The following MAX variants were observed in gnomAD, a reference collection of about 807,000 sequenced individuals.
MAX encodes the protein protein max.
MAX carries 3 observed loss-of-function variants against 22.3 expected under a neutral mutation model. The ratio of observed to expected loss-of-function variants is 0.13; its 90% CI spans 0.06 to 0.35. The LOEUF (loss-of-function observed/expected upper bound fraction) is 0.35, where lower values mean the gene tolerates loss of function less well. MAX is among the 10% of genes least tolerant of loss of function. MAX has a pLI of 1.00. For synonymous variants in MAX, 72 were observed against 77.7 expected (o/e 0.93, Z 0.39); for missense variants, 119 against 209.4 (o/e 0.57, Z 2.66).
intron 3 of MAX, among the ~76,000 whole-genome samples, chr14:65,063,882 C>T (rs948421575): frequency 5.3e-5 from 8 of 152,192 alleles, no homozygotes; most frequent in African/African-American, 1.9e-4. Context: ...TATTATGTGA[C>T]TCCTTGAGTA....
intron 3 of MAX, among the ~76,000 whole-genome samples, chr14:65,067,357 C>T (rs1487352481): frequency 6.6e-6 from 1 of 152,096 alleles, no homozygotes; most frequent in Non-Finnish European, 1.5e-5. Context: ...AATTTTGATA[C>T]ATTACTAAAG....
intron 3 of MAX, among the ~76,000 whole-genome samples, chr14:65,055,031 A>G (rs764964425): frequency 6.6e-6 from 1 of 152,234 alleles, no homozygotes; most frequent in African/African-American, 2.4e-5. Context: ...GGCTCGTGAT[A>G]GCACTGCAGC....
Position 65,077,690 on chromosome 14 carries a change from T to G in MAX, c.295+223A>C, listed in dbSNP as rs775706054. 3 of 1,547,684 alleles carry G rather than the reference T, an allele frequency of 1.9e-6. No individual in the cohort carries two copies. The highest frequency in any genetic ancestry group is 2.6e-6 in the Non-Finnish European group (3 of 1,146,182). ...GGTCAGGCCAGAAAAGATACAAGTC[T>G]CCAGATGTCCAACTTCCTAGCTTCC... On this transcript the variant is annotated intron_variant, in intron 4 of 4. Transcript: ENST00000358664. The surrounding 1 kb of genome is among the most constrained non-coding windows in gnomAD (Gnocchi z 6.3).
At chr14:65,061,270 G>A (rs373240145) in intron 3 of MAX, 143 of 1,614,026 alleles carry the variant, frequency 8.9e-5, no homozygotes, top group Non-Finnish European at 1.2e-4. Flanking sequence ...CAGGTTTTGA[G>A]GAGCTTAAGG....
chr14:65,040,083 A>T (rs149127312), intron 3 of MAX, among the ~76,000 whole-genome samples: 1,707 of 152,182 alleles, frequency 0.011, 15 homozygotes, highest in Non-Finnish European at 0.018. Context: ...CCAGCTACTC[A>T]GGAGGCTGAG....
In MAX at chr14:65,093,372, G is replaced by C; in HGVS notation, c.171+336C>G. ...AGGTCTAGGGTATTAATGACCTCTGGAATCTTTACTGTTATCCCAAACGAA... is the reference window on the plus strand; with the variant it reads ...AGGTCTAGGGTATTAATGACCTCTGCAATCTTTACTGTTATCCCAAACGAA... On this transcript the variant is annotated intron_variant, in intron 3 of 4. Transcript: ENST00000358664. The surrounding 1 kb of genome is among the most constrained non-coding windows in gnomAD (Gnocchi z 4.4). The C allele has an allele frequency of 3.0e-6, 1 of 337,598 alleles. No individual in the cohort carries two copies. The allele number at this position is 337,598 out of a possible 1,614,324, so 20.9% of individuals were successfully genotyped here.
At chr14:65,101,657 C>T (rs1014569666) in intron 1 of MAX, 85 bp from the exon 2 acceptor site, 24 of 1,092,034 alleles carry the variant, frequency 2.2e-5, no homozygotes, top group African/African-American at 1.4e-4. Context: ...AAAATGCCGG[C>T]GGCAGAGGAA....
At position 65,031,979 on chromosome 14, in the gene MAX, C is replaced by CGTGTGTGTGTGTGTGTGT. The variant is rs563468928; in HGVS notation, c.172-25713_172-25696dup. On this transcript the variant is annotated intron_variant, in intron 3 of 3. Transcript: ENST00000341653. The surrounding 1 kb of genome is among the most constrained non-coding windows in gnomAD (Gnocchi z 4.6). Reference sequence around the variant, plus strand: ...ATAGACGTGCGCCTTTTTCATTTAACGTGTGTGTGTGTGTGTGTGTGTGTG... The same window carrying CGTGTGTGTGTGTGTGTGT: ...ATAGACGTGCGCCTTTTTCATTTAACGTGTGTGTGTGTGTGTGTGTGTGTGTGTGTGTGTGTGTGTGTG... 8.7e-4 allele frequency among the ~76,000 whole-genome samples: 123 copies of CGTGTGTGTGTGTGTGTGT among 141,280 alleles called. 1 individual carries two copies. The highest frequency in any genetic ancestry group is 3.0e-3 in the African/African-American group (113 of 37,882). The allele number at this position is 141,280 out of a possible 152,430, so 92.7% of individuals were successfully genotyped here.
intron 3 of MAX, among the ~76,000 whole-genome samples, chr14:65,039,290 A>G (rs2062288399): frequency 6.6e-6 from 1 of 152,208 alleles, no homozygotes; most frequent in South Asian, 2.1e-4. Context: ...TGAAATACAC[A>G]GAGGAATGGG....
chr14:65,076,082 G>C lies in MAX; in HGVS notation c.*394C>G. ...ATCAGAGGTGAGGGCGGGCCAGGAGGCCACCTGGGCAGGGCAGGCGTCCCC... is the reference window on the plus strand; with the variant it reads ...ATCAGAGGTGAGGGCGGGCCAGGAGCCCACCTGGGCAGGGCAGGCGTCCCC... On this transcript the variant is annotated 3_prime_UTR_variant, in exon 5 of 5. Coordinates refer to ENST00000358664, the MANE Select transcript of MAX (RefSeq NM_002382.5). The surrounding 1 kb of genome is among the most constrained non-coding windows in gnomAD (Gnocchi z 6.6). The C allele has an allele frequency of 8.1e-7, 1 of 1,240,836 alleles. No homozygotes were observed. The highest frequency in any genetic ancestry group is 1.0e-6 in the Non-Finnish European group (1 of 988,096). 76.9% of individuals were successfully genotyped at this position (1,240,836 alleles called of 1,614,324 possible).
At chr14:65,095,659 T>C (rs900839735) in intron 2 of MAX, among the ~76,000 whole-genome samples, 1 of 152,152 alleles carries the variant, frequency 6.6e-6, no homozygotes, top group African/African-American at 2.4e-5. Flanking sequence ...GTTTGCTATA[T>C]ACTACCTAAG....
At chr14:65,051,857 T>C (rs368847753) in intron 3 of MAX, among the ~76,000 whole-genome samples, 1 of 151,108 alleles carries the variant, frequency 6.6e-6, no homozygotes, top group Non-Finnish European at 1.5e-5. Context: ...TGCAGTGGTG[T>C]GATCTCAGCT....
chr14:65,009,091 A>G lies in MAX; in HGVS notation c.172-2807T>C, dbSNP rs980751120. Among the ~76,000 whole-genome samples the G allele has an allele frequency of 2.6e-5, 4 of 152,152 alleles. No individual in the cohort carries two copies. The highest frequency in any genetic ancestry group is 9.7e-5 in the African/African-American group (4 of 41,438). Reference sequence around the variant, plus strand: ...TTCAGGTAAAAATAGGAAGAGCTCTACCTTTTCTTTCTTAACTTCCTACAC... The same window carrying G: ...TTCAGGTAAAAATAGGAAGAGCTCTGCCTTTTCTTTCTTAACTTCCTACAC... On this transcript the variant is annotated intron_variant, in intron 3 of 3. Transcript: ENST00000341653. The surrounding 1 kb of genome is among the most constrained non-coding windows in gnomAD (Gnocchi z 4.2).
intron 3 of MAX, among the ~76,000 whole-genome samples, chr14:65,061,010 C>T (rs561118290): frequency 4.6e-5 from 7 of 151,912 alleles, no homozygotes; most frequent in African/African-American, 1.7e-4. Flanking sequence ...AACCTGTGTC[C>T]CATGTACTAG....
In MAX at chr14:65,042,901, A is replaced by G. The variant is rs150187316; in HGVS notation, c.172-36617T>C. 8.6e-3 allele frequency among the ~76,000 whole-genome samples: 1,302 copies of G among 152,280 alleles called. 9 individuals carry two copies. Among genetic ancestry groups the G allele is most frequent in the Middle Eastern group, 0.027 (8 of 294 alleles). ...GGTTCATTTAAGATCAACCGAGGAT[A>G]TATTAGTACCTGAACCTGCAGTACA... On this transcript the variant is annotated intron_variant, in intron 3 of 3. Transcript: ENST00000341653.
rs2063221242 is a variant in MAX, at chr14:65,082,422, G to A, written c.172-4386C>T. ...CACCGGTAACAGGCATAAGAATTGA[G>A]TTGCAAGTGAGGCAATGATGAAGAC... On this transcript the variant is annotated intron_variant, in intron 3 of 4. Transcript: ENST00000358664. This position sits in a 1 kb window ranked among gnomAD's most constrained non-coding sequence, Gnocchi z 4.8. 6.6e-6 allele frequency: 1 copy of A among 152,230 alleles called. No homozygotes were observed. The highest frequency in any genetic ancestry group is 1.5e-5 in the Non-Finnish European group (1 of 68,060). 9.4% of individuals were successfully genotyped at this position (152,230 alleles called of 1,614,324 possible). A position where few individuals can be genotyped will look rare whatever the true frequency, so the allele number is the denominator to read the frequency against.
At chr14:65,050,118 A>C (rs1003519026) in intron 3 of MAX, among the ~76,000 whole-genome samples, 4 of 152,356 alleles carry the variant, frequency 2.6e-5, no homozygotes, top group African/African-American at 7.2e-5. Context: ...AAGCTAGATT[A>C]ATAAAATTGG....
intron 3 of MAX, among the ~76,000 whole-genome samples, chr14:65,008,781 A>G (rs1362817755): frequency 6.6e-6 from 1 of 152,226 alleles, no homozygotes; most frequent in Non-Finnish European, 1.5e-5. Flanking sequence ...CACATTGTGA[A>G]GAGTCTGGAA....
In MAX at chr14:65,028,876, C is replaced by G. The variant is rs2062030079; in HGVS notation, c.172-22592G>C. ...TCTGTTGCTATTCCCCCAAAATATG[C>G]ACAGTCTTGAAACGCAGCTTTTAAA... is the stretch of plus-strand genomic sequence containing the variant. On this transcript the variant is annotated intron_variant, in intron 3 of 3. Coordinates refer to the MAX transcript ENST00000341653. This position sits in a 1 kb window ranked among gnomAD's most constrained non-coding sequence, Gnocchi z 4.4. Among the ~76,000 whole-genome samples, 1 of 152,176 alleles carries G rather than the reference C, an allele frequency of 6.6e-6. No individual in the cohort carries two copies. Among genetic ancestry groups the G allele is most frequent in the African/African-American group, 2.4e-5 (1 of 41,460 alleles).
Sources: gnomAD v4.1 joint callset for allele counts (sites outside exome capture counted in the v4.1 genomes callset) on GRCh38, gnomAD v4.1.1 for gene constraint, Gnocchi (gnomAD v3.1) non-coding constraint, MANE v1.5 for transcripts, NCBI Gene and HGNC (gene_info 2026-07-23, HGNC 2026-07-21) for gene names.